SNX8: variants seen among roughly 807,000 people sequenced by gnomAD.
SNX8 encodes sorting nexin 8, also known as sorting nexin-8.
SNX8 carries 25 observed loss-of-function variants against 51.6 expected under a neutral mutation model. The ratio of observed to expected loss-of-function variants is 0.48; its 90% CI spans 0.35 to 0.68. The LOEUF is 0.68. Among genes scored for constraint, SNX8 ranks in the 30% least tolerant of loss-of-function variants. The pLI, the probability that SNX8 is intolerant of heterozygous loss-of-function variation, is 0.00. For synonymous variants in SNX8, 324 were observed against 277.0 expected, an observed-to-expected ratio of 1.17 and a Z score of -1.68; for missense variants, 695 against 624.0, an observed-to-expected ratio of 1.11 and a Z score of -1.21.
rs1795235871 is a variant in SNX8, at chr7:2,258,018, T to G, written c.916-215A>C. 2.0e-5 allele frequency among the ~76,000 whole-genome samples: 3 copies of G among 149,684 alleles called. No homozygotes were observed. The South Asian group carries it at 6.3e-4, about 32-fold the overall frequency. On this transcript the variant is annotated intron_variant, in intron 7 of 10. Coordinates refer to ENST00000222990, the MANE Select transcript of SNX8 (RefSeq NM_013321.4). ...TTCGAGCCCAGCAGTCTTTTTTTTTTTTTTTTTTTGAGTCGGAGTCTTCGC... is the reference window on the plus strand; with the variant it reads ...TTCGAGCCCAGCAGTCTTTTTTTTTGTTTTTTTTTGAGTCGGAGTCTTCGC...
At chr7:2,341,681 A>G (rs779381670) in intron 1 of SNX8, among the ~76,000 whole-genome samples, 3 of 151,940 alleles carry the variant, frequency 2.0e-5, no homozygotes, top group Admixed American at 1.3e-4. Flanking sequence ...TCAAAAGCAA[A>G]AACCAAAAAC....
At chr7:2,259,488 G>A (rs950690401) in intron 7 of SNX8, among the ~76,000 whole-genome samples, 4 of 152,184 alleles carry the variant, frequency 2.6e-5, no homozygotes, top group Non-Finnish European at 5.9e-5. Context: ...TGGATGGAAC[G>A]AGTTTTACGG....
chr7:2,275,922 C>T (rs917477646), intron 2 of SNX8, among the ~76,000 whole-genome samples: 33 of 151,084 alleles, frequency 2.2e-4, no homozygotes, highest in East Asian at 9.8e-4. Flanking sequence ...GGCGTGAACC[C>T]GGGAGGCAGA....
chr7:2,268,724 T>A (rs1443933218), intron 5 of SNX8, among the ~76,000 whole-genome samples: 1 of 5,316 alleles, frequency 1.9e-4, no homozygotes, highest in Non-Finnish European at 8.0e-4. Context: ...GGGAGGGAGG[T>A]GGGGGGGGTC....
intron 1 of SNX8, among the ~76,000 whole-genome samples, chr7:2,281,426 A>G (rs1795903081): frequency 6.6e-6 from 1 of 151,658 alleles, no homozygotes; most frequent in Non-Finnish European, 1.5e-5. Flanking sequence ...CTATAAAAAC[A>G]AAAAGGAAAA....
chr7:2,258,732 C>G (rs1440444050), intron 7 of SNX8, among the ~76,000 whole-genome samples: 1 of 152,186 alleles, frequency 6.6e-6, no homozygotes, highest in South Asian at 2.1e-4. Flanking sequence ...AGGCTGCACG[C>G]AGAAGCACCA....
intron 1 of SNX8, among the ~76,000 whole-genome samples, chr7:2,304,035 C>T (rs550917452): frequency 7.3e-5 from 11 of 150,816 alleles, no homozygotes; most frequent in South Asian, 4.2e-4. Flanking sequence ...GGCGTGGTGG[C>T]GGGCGCCTGT....
At chr7:2,315,791 C>G (rs1332795423), upstream of SNX8, among the ~76,000 whole-genome samples, 3 of 150,890 alleles carry the variant, frequency 2.0e-5, no homozygotes, top group Non-Finnish European at 4.4e-5. Context: ...CTCACTGCAT[C>G]CTGCATTCAT....
At chr7:2,349,355 A>G (rs952131240) in intron 1 of SNX8, among the ~76,000 whole-genome samples, 10 of 152,040 alleles carry the variant, frequency 6.6e-5, no homozygotes, top group Non-Finnish European at 1.3e-4. Context: ...ACTATCTCCC[A>G]AATTATTTTC....
intron 3 of SNX8, among the ~76,000 whole-genome samples, chr7:2,273,213 C>A (rs913906039): frequency 1.3e-5 from 2 of 152,040 alleles, no homozygotes; most frequent in Non-Finnish European, 2.9e-5. Flanking sequence ...TCTTGGGAGG[C>A]TGAGGAGGGC....
At chr7:2,273,580 C>T (rs1795700934) in intron 3 of SNX8, among the ~76,000 whole-genome samples, 2 of 144,208 alleles carry the variant, frequency 1.4e-5, no homozygotes, top group South Asian at 2.2e-4. Flanking sequence ...GGCGAGTCTT[C>T]GTCTCAAAAA....
intron 5 of SNX8, among the ~76,000 whole-genome samples, chr7:2,268,018 G>A (rs1795518717): frequency 6.6e-6 from 1 of 151,544 alleles, no homozygotes; most frequent in African/African-American, 2.4e-5. Context: ...CGTCTGGGAG[G>A]TGAGGAGCGT....
At chr7:2,331,293 T>C (rs1158822251) in intron 1 of SNX8, among the ~76,000 whole-genome samples, 1 of 151,500 alleles carries the variant, frequency 6.6e-6, no homozygotes, top group Non-Finnish European at 1.5e-5. Flanking sequence ...GAAAAGCTAC[T>C]AGACTAATAA....
chr7:2,319,175 A>G (rs960982428), upstream of SNX8, among the ~76,000 whole-genome samples: 6 of 150,950 alleles, frequency 4.0e-5, no homozygotes, highest in African/African-American at 1.5e-4. Flanking sequence ...TCCGTCTCCA[A>G]TAAAAGTACA....
chr7:2,327,198 T>C (rs1438543541), intron 1 of SNX8, among the ~76,000 whole-genome samples: 1 of 152,016 alleles, frequency 6.6e-6, no homozygotes, highest in African/African-American at 2.4e-5. Flanking sequence ...AGCTGCCTTC[T>C]CCTTGTATGT....
chr7:2,261,907 C>T (rs764725189), intron 7 of SNX8, among the ~76,000 whole-genome samples: 27 of 152,246 alleles, frequency 1.8e-4, no homozygotes, highest in Non-Finnish European at 3.5e-4. Flanking sequence ...TCAGGAGCTC[C>T]GGGGCTCAGG....
chr7:2,335,359 A>G (rs1400595760), intron 1 of SNX8, among the ~76,000 whole-genome samples: 4 of 151,982 alleles, frequency 2.6e-5, no homozygotes, highest in Admixed American at 2.0e-4. Context: ...CCTCTCAAAC[A>G]GCATGCTAGC....
At chr7:2,294,615 A>C (rs1796230715) in intron 1 of SNX8, among the ~76,000 whole-genome samples, 1 of 152,218 alleles carries the variant, frequency 6.6e-6, no homozygotes, top group Non-Finnish European at 1.5e-5. Flanking sequence ...ACCAGAGCCT[A>C]GGCTCCCTCC....
chr7:2,269,361 G>A (rs1213159589), intron 5 of SNX8, among the ~76,000 whole-genome samples, 198 bp downstream of exon 5: 3 of 150,470 alleles, frequency 2.0e-5, no homozygotes, highest in Admixed American at 2.0e-4. Flanking sequence ...CAAGTAATCA[G>A]GGACACAAAC....
Sources: gnomAD v4.1 joint callset for allele counts (sites outside exome capture counted in the v4.1 genomes callset) on GRCh38, gnomAD v4.1.1 for gene constraint, MANE v1.5 for transcripts, NCBI Gene and HGNC (gene_info 2026-07-23, HGNC 2026-07-21) for gene names.